The following SHROOM3 variants were observed in gnomAD, a reference collection of about 807,000 sequenced individuals.
SHROOM3 encodes the protein protein Shroom3.
Under a neutral mutation model 138.6 loss-of-function variants are expected in SHROOM3, and 47 were observed. That is an observed-to-expected ratio of 0.34 (90% CI 0.27 to 0.43). SHROOM3 has a LOEUF of 0.43. Ranked by LOEUF, SHROOM3 falls within the 20% of genes least tolerant of loss-of-function variation. SHROOM3 has a pLI of 1.00. For synonymous variants in SHROOM3, 1,062 were observed against 1,063.3 expected (o/e 1.00, Z 0.02); for missense variants, 2,491 against 2,596.5 (o/e 0.96, Z 0.88).
At position 76,551,245 on chromosome 4, in the gene SHROOM3, A is replaced by G. The variant is rs141875587; in HGVS notation, c.169-4364A>G. Reference sequence around the variant, plus strand: ...ATACAAAAGGTTAAAGAAATAGTTTATAAGAACAGTGAACAACAATGAAAC... The same window carrying G: ...ATACAAAAGGTTAAAGAAATAGTTTGTAAGAACAGTGAACAACAATGAAAC... On this transcript the variant is annotated intron_variant, in intron 1 of 10. Transcript: ENST00000296043. 3.3e-3 allele frequency among the ~76,000 whole-genome samples: 498 copies of G among 152,280 alleles called. 7 individuals are homozygous for G. Among genetic ancestry groups the G allele is most frequent in the African/African-American group, 0.011 (447 of 41,570 alleles).
At chr4:76,592,577 G>T (rs1474835555) in intron 2 of SHROOM3, among the ~76,000 whole-genome samples, 1 of 152,154 alleles carries the variant, frequency 6.6e-6, no homozygotes, top group Admixed American at 6.5e-5. Context: ...AGCTAAGAAG[G>T]TTCCAAGTCT....
intron 2 of SHROOM3, among the ~76,000 whole-genome samples, chr4:76,593,554 A>G (rs1734319787): frequency 6.6e-6 from 1 of 152,208 alleles, no homozygotes. Context: ...ATTTTTGATG[A>G]CATGTGTTGT....
rs934314956 is a variant in SHROOM3, at chr4:76,633,348, A to AG, written c.324-76808_324-76807insG. On this transcript the variant is annotated intron_variant, in intron 2 of 10. Coordinates refer to ENST00000296043, the MANE Select transcript of SHROOM3 (RefSeq NM_020859.4). Reference sequence around the variant, plus strand: ...ACTCAGTCTCAAAAAAAAAAAAAAAAAAAAAGAAAAAGAAAAAGGAAAAGA... The same window carrying AG: ...ACTCAGTCTCAAAAAAAAAAAAAAAAGAAAAAGAAAAAGAAAAAGGAAAAGA... Among the ~76,000 whole-genome samples, 8 of 149,114 alleles carry AG rather than the reference A, an allele frequency of 5.4e-5. No individual in the cohort carries two copies. In the East Asian group the frequency reaches 7.9e-4, roughly 15 times the overall value.
intron 2 of SHROOM3, among the ~76,000 whole-genome samples, chr4:76,584,209 T>C (rs952526984): frequency 6.6e-6 from 1 of 152,048 alleles, no homozygotes; most frequent in South Asian, 2.1e-4. Flanking sequence ...TCCCAGCTAC[T>C]TGGGAGGCTG....
chr4:76,710,462 G>A (rs1223025098), intron 3 of SHROOM3, among the ~76,000 whole-genome samples, 175 bp downstream of exon 3: 2 of 152,154 alleles, frequency 1.3e-5, no homozygotes, highest in Non-Finnish European at 2.9e-5. Flanking sequence ...GAAGGATACT[G>A]ATCTTATTAA....
At chr4:76,442,848 G>A (rs777219292) in intron 1 of SHROOM3, among the ~76,000 whole-genome samples, 2 of 149,664 alleles carry the variant, frequency 1.3e-5, no homozygotes, top group African/African-American at 4.9e-5. Flanking sequence ...TTTATTATTC[G>A]TGGTGCTTAA....
At chr4:76,556,547 C>G (rs1733488187) in intron 2 of SHROOM3, among the ~76,000 whole-genome samples, 1 of 152,188 alleles carries the variant, frequency 6.6e-6, no homozygotes, top group Non-Finnish European at 1.5e-5. Flanking sequence ...TTGCCTGATT[C>G]TATTTCATGC....
rs1720851084 is a variant in SHROOM3, at chr4:76,730,831, C to G, written c.483C>G (p.His161Gln). The G allele has an allele frequency of 3.1e-6, 5 of 1,614,132 alleles. No individual in the cohort carries two copies. The South Asian group carries it at 3.3e-5, about 11-fold the overall frequency. Residue 161 changes from histidine to glutamine, a missense_variant, in exon 4 of 11, where the codon CAC becomes CAG. Physicochemically the swap from His to Gln is conservative, Grantham distance 24. Around this residue, in one of 4 missense-constraint regions of SHROOM3, gnomAD observed 284 missense variants for 322.8 expected, o/e 0.88. Coordinates refer to ENST00000296043, the MANE Select transcript of SHROOM3 (RefSeq NM_020859.4). The part of the protein sequence containing the change: ...HRRSEPAGRP[H>Q]SWHTTKSGEK... The stretch of plus-strand genomic sequence containing the variant: ...GCAGTGAGCCTGCAGGCCGACCTCA[C>G]TCGTGGCACACAACTAAATCTGGGG...
At chr4:76,578,946 C>T (rs2110042290) in intron 2 of SHROOM3, among the ~76,000 whole-genome samples, 1 of 152,250 alleles carries the variant, frequency 6.6e-6, no homozygotes, top group South Asian at 2.1e-4. Context: ...CCTGTAATCC[C>T]AGCAATCTGG....
intron 6 of SHROOM3, among the ~76,000 whole-genome samples, chr4:76,752,310 G>A (rs540108522): frequency 1.6e-3 from 247 of 152,292 alleles, no homozygotes; most frequent in Non-Finnish European, 2.7e-3. Flanking sequence ...GGGAAATGGG[G>A]AGTTATTATT....
At chr4:76,541,594 T>C (rs1733099088) in intron 1 of SHROOM3, among the ~76,000 whole-genome samples, 1 of 151,142 alleles carries the variant, frequency 6.6e-6, no homozygotes, top group South Asian at 2.1e-4. Flanking sequence ...CACTGCACTT[T>C]CTGAGAAGGC....
At chr4:76,651,407 T>A (rs1490472372) in intron 2 of SHROOM3, among the ~76,000 whole-genome samples, 12 of 16,618 alleles carry the variant, frequency 7.2e-4, no homozygotes, top group African/African-American at 2.3e-3. Flanking sequence ...CATAAATATA[T>A]ATATATATAT....
intron 2 of SHROOM3, among the ~76,000 whole-genome samples, chr4:76,581,897 C>A (rs962104432): frequency 6.6e-6 from 1 of 152,172 alleles, no homozygotes; most frequent in South Asian, 2.1e-4. Flanking sequence ...TGGTCTCTAC[C>A]CTCACCATTG....
At chr4:76,480,606 C>T (rs1731587923) in intron 1 of SHROOM3, among the ~76,000 whole-genome samples, 1 of 152,128 alleles carries the variant, frequency 6.6e-6, no homozygotes, top group Non-Finnish European at 1.5e-5. Flanking sequence ...ATATTCAGGA[C>T]TTGAACTCAG....
chr4:76,527,673 G>A (rs928197391), intron 1 of SHROOM3, among the ~76,000 whole-genome samples: 1 of 152,236 alleles, frequency 6.6e-6, no homozygotes, highest in Non-Finnish European at 1.5e-5. Flanking sequence ...AGTGGTTTCG[G>A]TGTTGGTTTG....
chr4:76,587,054 G>T (rs1471882429), intron 2 of SHROOM3: 9 of 152,164 alleles, frequency 5.9e-5, no homozygotes, highest in Admixed American at 5.9e-4. Flanking sequence ...GAGAAGGTCG[G>T]ATTATAAATG....
At chr4:76,666,694 T>C (rs912087643) in intron 2 of SHROOM3, among the ~76,000 whole-genome samples, 1 of 152,160 alleles carries the variant, frequency 6.6e-6, no homozygotes, top group South Asian at 2.1e-4. Flanking sequence ...AGATGTATGA[T>C]AAAGATCTTT....
At chr4:76,627,026 T>C (rs947623991) in intron 2 of SHROOM3, among the ~76,000 whole-genome samples, 1 of 152,144 alleles carries the variant, frequency 6.6e-6, no homozygotes, top group Admixed American at 6.5e-5. Context: ...GTCCAAATGA[T>C]TAGGAATTGC....
intron 9 of SHROOM3, among the ~76,000 whole-genome samples, chr4:76,762,834 G>A (rs367980951): frequency 2.0e-5 from 3 of 152,100 alleles, no homozygotes; most frequent in East Asian, 3.9e-4. Flanking sequence ...ATAGACACAT[G>A]GACTCTACTG....
Sources: gnomAD v4.1 joint callset for allele counts (sites outside exome capture counted in the v4.1 genomes callset) on GRCh38, gnomAD v4.1.1 for gene constraint, gnomAD v4.1.1 regional missense constraint, MANE v1.5 for transcripts, NCBI Gene and HGNC (gene_info 2026-07-23, HGNC 2026-07-21) for gene names.